Variants in PTPRO observed in about 807,000 individuals in gnomAD.
PTPRO encodes receptor-type tyrosine-protein phosphatase O.
In PTPRO, 62 loss-of-function variants were observed where a neutral mutation model predicts 145.2. The observed-to-expected ratio is 0.43, with a 90% CI of 0.35 to 0.53. PTPRO has a LOEUF of 0.53. Among genes scored for constraint, PTPRO ranks in the 20% least tolerant of loss-of-function variants. The probability of loss-of-function intolerance (pLI) is 0.01; values close to 1 mark genes in which losing one functional copy is unlikely to be tolerated. For missense variants in PTPRO, 1,345 were observed against 1,482.7 expected (o/e 0.91, Z 1.53); for synonymous variants, 565 against 514.7 (o/e 1.10, Z -1.32).
At chr12:15,439,873 C>A in intron 1 of PTPRO, 1 of 640,708 alleles carries the variant, frequency 1.6e-6, no homozygotes, top group Non-Finnish European at 2.8e-6. Flanking sequence ...AGCAGACCCA[C>A]GTCGGCCAGC....
At chr12:15,359,977 C>T (rs982901633) in intron 1 of PTPRO, among the ~76,000 whole-genome samples, 17 of 152,118 alleles carry the variant, frequency 1.1e-4, no homozygotes, top group African/African-American at 4.1e-4. Flanking sequence ...TTTGCTTTTC[C>T]TATGTCTCAA....
intron 12 of PTPRO, among the ~76,000 whole-genome samples, chr12:15,530,895 A>G (rs1488164392): frequency 2.6e-5 from 4 of 152,136 alleles, no homozygotes; most frequent in South Asian, 2.1e-4. Flanking sequence ...AATAAATGAA[A>G]TTGAGACTAA....
intron 1 of PTPRO, among the ~76,000 whole-genome samples, chr12:15,458,815 A>G (rs1223502801): frequency 6.6e-6 from 1 of 151,992 alleles, no homozygotes; most frequent in Non-Finnish European, 1.5e-5. Flanking sequence ...GAGACATAAT[A>G]TATCTCCATT....
rs1241021547 is a variant in PTPRO, at chr12:15,434,078, C to T, written c.76-49896C>T. Among the ~76,000 whole-genome samples, 4 of 152,162 alleles carry T rather than the reference C, an allele frequency of 2.6e-5. No homozygotes were observed. The East Asian group carries it at 7.7e-4, about 29-fold the overall frequency. On this transcript the variant is annotated intron_variant, in intron 1 of 26. Transcript: ENST00000281171. ...ATGCATATCTTGGGTTCTTTTTATT[C>T]AGTACACACAGAGGTTGTTCCCTTG...
intron 1 of PTPRO, among the ~76,000 whole-genome samples, chr12:15,341,767 C>A (rs1866996426): frequency 6.6e-6 from 1 of 152,090 alleles, no homozygotes; most frequent in Admixed American, 6.5e-5. Context: ...TAAGAGAAAA[C>A]CAAGTACCTG....
intron 2 of PTPRO, among the ~76,000 whole-genome samples, chr12:15,485,497 C>T (rs1477754088): frequency 6.6e-6 from 1 of 152,136 alleles, no homozygotes; most frequent in East Asian, 1.9e-4. Flanking sequence ...TTCATAAACA[C>T]CTAGCCCAAG....
At chr12:15,521,104 G>A (rs985072651) in intron 10 of PTPRO, among the ~76,000 whole-genome samples, 1 of 152,016 alleles carries the variant, frequency 6.6e-6, no homozygotes, top group African/African-American at 2.4e-5. Flanking sequence ...ACCTTTTATC[G>A]AACGACAAGG....
At chr12:15,422,334 A>C (rs771571990) in intron 1 of PTPRO, among the ~76,000 whole-genome samples, 1 of 152,220 alleles carries the variant, frequency 6.6e-6, no homozygotes, top group Non-Finnish European at 1.5e-5. Context: ...GAGCTTACAC[A>C]TGGTAACCAC....
chr12:15,508,833 C>G, intron 7 of PTPRO, 66 bp downstream of exon 7: 1 of 1,514,444 alleles, frequency 6.6e-7, no homozygotes, highest in Non-Finnish European at 9.1e-7. Context: ...AGGGCAATGC[C>G]AAGGAGGCAA....
At chr12:15,415,538 C>A (rs941011016) in intron 1 of PTPRO, among the ~76,000 whole-genome samples, 12 of 151,862 alleles carry the variant, frequency 7.9e-5, no homozygotes, top group African/African-American at 1.7e-4. Flanking sequence ...GCACCTGCCA[C>A]CACACCCGGC....
At chr12:15,421,836 G>T (rs988158260) in intron 1 of PTPRO, among the ~76,000 whole-genome samples, 1 of 152,154 alleles carries the variant, frequency 6.6e-6, no homozygotes, top group Non-Finnish European at 1.5e-5. Flanking sequence ...TTAACTAGCT[G>T]TGTGATCTTG....
At chr12:15,368,886 A>G (rs1436422397) in intron 1 of PTPRO, among the ~76,000 whole-genome samples, 2 of 152,222 alleles carry the variant, frequency 1.3e-5, no homozygotes, top group African/African-American at 4.8e-5. Context: ...TTGAAAATAA[A>G]GGATGCTTGC....
intron 1 of PTPRO, among the ~76,000 whole-genome samples, chr12:15,397,371 T>C (rs57712020): frequency 0.074 from 11,198 of 152,242 alleles, 440 homozygotes; most frequent in African/African-American, 0.098. Flanking sequence ...TATCATTAAC[T>C]CATTTTATAG....
At chr12:15,533,582 A>G (rs988360226) in intron 12 of PTPRO, among the ~76,000 whole-genome samples, 10 of 152,268 alleles carry the variant, frequency 6.6e-5, no homozygotes, top group Admixed American at 3.3e-4. Context: ...TTTAATCGGA[A>G]CAAGTTTAAC....
intron 14 of PTPRO, among the ~76,000 whole-genome samples, chr12:15,549,917 C>A (rs1943408164): frequency 6.6e-6 from 1 of 152,008 alleles, no homozygotes; most frequent in South Asian, 2.1e-4. Flanking sequence ...TTTCTTTTTT[C>A]TTTTTCTTTT....
At chr12:15,506,556 G>A (rs11056532) in intron 6 of PTPRO, among the ~76,000 whole-genome samples, 3,714 of 152,294 alleles carry the variant, frequency 0.024, 64 homozygotes, top group Middle Eastern at 0.044. Context: ...AGACGAAGGG[G>A]AAGCAAGCAC....
At chr12:15,422,460 C>G (rs1940173337) in intron 1 of PTPRO, among the ~76,000 whole-genome samples, 1 of 151,976 alleles carries the variant, frequency 6.6e-6, no homozygotes, top group Admixed American at 6.6e-5. Flanking sequence ...AACTTTGGGC[C>G]TAATGTTTTA....
chr12:15,487,569 C>A (rs568186037), intron 2 of PTPRO, among the ~76,000 whole-genome samples: 1 of 152,110 alleles, frequency 6.6e-6, no homozygotes, highest in Admixed American at 6.5e-5. Context: ...ACACCTGTCA[C>A]CCCCATACCC....
chr12:15,441,702 T>C (rs73059022), intron 1 of PTPRO, among the ~76,000 whole-genome samples: 31,661 of 151,646 alleles, frequency 0.21, 4,155 homozygotes, highest in Admixed American at 0.31. Flanking sequence ...ATACAGAAAA[T>C]CCTTGGAGAC....
Sources: gnomAD v4.1 joint callset for allele counts (sites outside exome capture counted in the v4.1 genomes callset) on GRCh38, gnomAD v4.1.1 for gene constraint, MANE v1.5 for transcripts, NCBI Gene and HGNC (gene_info 2026-07-23, HGNC 2026-07-21) for gene names.